Variants in CAMTA1 observed in about 807,000 individuals in gnomAD.
CAMTA1 encodes calmodulin binding transcription activator 1, also known as calmodulin-binding transcription activator 1.
Under a neutral mutation model 170.9 loss-of-function variants are expected in CAMTA1, and 27 were observed. The observed-to-expected ratio is 0.16, with a 90% confidence interval of 0.12 to 0.22. The LOEUF is 0.22. Ranked by LOEUF, CAMTA1 falls within the 10% of genes least tolerant of loss-of-function variation. The probability of loss-of-function intolerance (pLI) is 1.00; values close to 1 mark genes in which losing one functional copy is unlikely to be tolerated. For missense variants in CAMTA1, 1,619 were observed against 2,217.2 expected (o/e 0.73, Z 5.42); for synonymous variants, 833 against 891.5 (o/e 0.93, Z 1.17).
intron 3 of CAMTA1, among the ~76,000 whole-genome samples, chr1:6,857,684 A>G (rs1662963001): frequency 6.6e-6 from 1 of 151,276 alleles, no homozygotes; most frequent in Non-Finnish European, 1.5e-5. Context: ...CGTTAACTCA[A>G]CAAATATTTG....
intron 4 of CAMTA1, among the ~76,000 whole-genome samples, chr1:7,231,024 G>C (rs1662694435): frequency 6.6e-6 from 1 of 152,136 alleles, no homozygotes; most frequent in African/African-American, 2.4e-5. Context: ...TGCATCCAAG[G>C]TGGAAGGAGG....
chr1:7,379,033 C>T (rs938874164), intron 5 of CAMTA1, among the ~76,000 whole-genome samples: 1 of 152,232 alleles, frequency 6.6e-6, no homozygotes, highest in African/African-American at 2.4e-5. Flanking sequence ...AGGCACCCTC[C>T]TCCCTGGCTT....
At chr1:6,929,449 G>A (rs899679545) in intron 3 of CAMTA1, among the ~76,000 whole-genome samples, 29 of 152,098 alleles carry the variant, frequency 1.9e-4, no homozygotes, top group East Asian at 1.7e-3. Context: ...TGCTAGCTCC[G>A]CCTCCTGGGT....
At chr1:7,210,891 T>A (rs1658625084) in intron 4 of CAMTA1, among the ~76,000 whole-genome samples, 1 of 152,252 alleles carries the variant, frequency 6.6e-6, no homozygotes, top group Admixed American at 6.5e-5. Flanking sequence ...GTTGTTTTGG[T>A]AATTATATTG....
intron 7 of CAMTA1, among the ~76,000 whole-genome samples, chr1:7,656,553 C>G (rs2095904757): frequency 6.6e-6 from 1 of 152,218 alleles, no homozygotes; most frequent in Non-Finnish European, 1.5e-5. Flanking sequence ...GGACACAATT[C>G]AGTTCATGAC....
chr1:7,761,929 T>A (rs2096979626), intron 22 of CAMTA1, among the ~76,000 whole-genome samples: 1 of 152,226 alleles, frequency 6.6e-6, no homozygotes, highest in Non-Finnish European at 1.5e-5. Flanking sequence ...GGCAGGAGAA[T>A]TGCTTGAGGC....
intron 5 of CAMTA1, among the ~76,000 whole-genome samples, chr1:7,368,598 T>C (rs1371194843): frequency 6.6e-6 from 1 of 152,184 alleles, no homozygotes; most frequent in African/African-American, 2.4e-5. Context: ...TCCCGCTGTG[T>C]GCACCCATGG....
intron 3 of CAMTA1, among the ~76,000 whole-genome samples, chr1:6,996,199 T>C (rs1227029398): frequency 6.6e-6 from 1 of 152,236 alleles, no homozygotes; most frequent in African/African-American, 2.4e-5. Flanking sequence ...GTCCATTGAT[T>C]GATTGCCTTT....
At chr1:7,712,171 C>T (rs1461266204) in intron 11 of CAMTA1, among the ~76,000 whole-genome samples, 2 of 152,014 alleles carry the variant, frequency 1.3e-5, no homozygotes, top group African/African-American at 4.8e-5. Context: ...TAAATGGAAA[C>T]AGTTTTGGTG....
At chr1:6,787,454 A>G (rs148478366) in intron 1 of CAMTA1, among the ~76,000 whole-genome samples, 4 of 152,340 alleles carry the variant, frequency 2.6e-5, no homozygotes, top group East Asian at 1.9e-4. Flanking sequence ...TCATGATGCT[A>G]TATTCATTTG....
At chr1:7,020,518 T>G (rs929535032) in intron 3 of CAMTA1, among the ~76,000 whole-genome samples, 9 of 152,176 alleles carry the variant, frequency 5.9e-5, no homozygotes, top group Non-Finnish European at 1.2e-4. Flanking sequence ...ATGACACATT[T>G]CTCAGAATGT....
At chr1:7,101,559 G>C (rs1187474857) in intron 4 of CAMTA1, among the ~76,000 whole-genome samples, 4 of 152,200 alleles carry the variant, frequency 2.6e-5, no homozygotes, top group Admixed American at 2.6e-4. Context: ...CAAAAACAAA[G>C]GAAGGAAATC....
Position 6,996,372 on chromosome 1 carries a change from TA to T in CAMTA1, c.235-94929del, listed in dbSNP as rs535617116. Reference sequence around the variant, plus strand: ...CAGATACTTCGCTGAGTTCAAACTATAAACTCTGTCTTGTCTCTGCTGCAGC... The same window carrying T: ...CAGATACTTCGCTGAGTTCAAACTATAACTCTGTCTTGTCTCTGCTGCAGC... On this transcript the variant is annotated intron_variant, in intron 3 of 22. Transcript: ENST00000303635. 2.1e-3 allele frequency among the ~76,000 whole-genome samples: 317 copies of T among 152,364 alleles called. 2 individuals carry two copies. Among genetic ancestry groups the T allele is most frequent in the African/African-American group, 7.1e-3 (296 of 41,588 alleles).
At chr1:7,393,573 A>G (rs1350586297) in intron 5 of CAMTA1, among the ~76,000 whole-genome samples, 1 of 151,936 alleles carries the variant, frequency 6.6e-6, no homozygotes, top group Non-Finnish European at 1.5e-5. Flanking sequence ...TTTCACATTT[A>G]ATTGACACAG....
At chr1:7,187,429 T>C (rs548163219) in intron 4 of CAMTA1, among the ~76,000 whole-genome samples, 18 of 152,096 alleles carry the variant, frequency 1.2e-4, no homozygotes, top group African/African-American at 3.9e-4. Flanking sequence ...CAGATGGTGA[T>C]TTTTTTTAAC....
chr1:7,419,437 G>T (rs137988716), intron 5 of CAMTA1, among the ~76,000 whole-genome samples: 4 of 152,132 alleles, frequency 2.6e-5, no homozygotes, highest in Non-Finnish European at 4.4e-5. Flanking sequence ...GATTACAGGC[G>T]TGAGCCACCA....
chr1:7,704,965 C>CGTGTTTGT, intron 11 of CAMTA1, among the ~76,000 whole-genome samples: 1 of 30,360 alleles, frequency 3.3e-5, no homozygotes, highest in Non-Finnish European at 6.3e-5. Context: ...CGGGGGCGCG[C>CGTGTTTGT]GCGGGGCGGG....
chr1:7,021,566 C>G (rs1701360944), intron 3 of CAMTA1, among the ~76,000 whole-genome samples: 1 of 152,142 alleles, frequency 6.6e-6, no homozygotes, highest in Non-Finnish European at 1.5e-5. Flanking sequence ...ATAATCAAAA[C>G]CACTGGACAG....
At chr1:7,090,002 G>A (rs1047316507) in intron 3 of CAMTA1, among the ~76,000 whole-genome samples, 1 of 152,202 alleles carries the variant, frequency 6.6e-6, no homozygotes, top group Admixed American at 6.5e-5. Flanking sequence ...CTTGCACAGT[G>A]AAGCAACTCT....
Sources: gnomAD v4.1 joint callset for allele counts (sites outside exome capture counted in the v4.1 genomes callset) on GRCh38, gnomAD v4.1.1 for gene constraint, MANE v1.5 for transcripts, NCBI Gene and HGNC (gene_info 2026-07-23, HGNC 2026-07-21) for gene names.